PLEKHD1: variants seen among roughly 807,000 people sequenced by gnomAD.
PLEKHD1 encodes pleckstrin homology and coiled-coil domain containing D1, also known as pleckstrin homology domain-containing family D member 1.
A neutral mutation model predicts 69.2 loss-of-function variants in PLEKHD1; 51 were observed. That is an observed-to-expected ratio of 0.74 (90% CI 0.59 to 0.93). The LOEUF (loss-of-function observed/expected upper bound fraction) is 0.93, where lower values mean the gene tolerates loss of function less well. PLEKHD1 is among the 40% of genes least tolerant of loss of function. The pLI is 0.00. For synonymous variants in PLEKHD1, 236 were observed against 244.7 expected (o/e 0.96, Z 0.33); for missense variants, 584 against 641.0 (o/e 0.91, Z 0.96).
At chr14:69,491,228 G>A (rs553064118) in intron 1 of PLEKHD1, among the ~76,000 whole-genome samples, 100 of 152,308 alleles carry the variant, frequency 6.6e-4, no homozygotes, top group African/African-American at 2.2e-3. Flanking sequence ...CTTCCACACT[G>A]CTGCATAAAC....
the PLEKHD1 span, among the ~76,000 whole-genome samples, chr14:69,474,557 G>A: frequency 6.6e-6 from 1 of 152,312 alleles, no homozygotes; most frequent in South Asian, 2.1e-4. Context: ...AGCCTCCATT[G>A]TATTAATTTA....
intron 1 of PLEKHD1, among the ~76,000 whole-genome samples, chr14:69,488,761 C>A (rs139427013): frequency 6.6e-6 from 1 of 152,288 alleles, no homozygotes; most frequent in Non-Finnish European, 1.5e-5. Flanking sequence ...GACCAAATTA[C>A]TTTATTCTGA....
At chr14:69,516,812 G>C (rs187107812) in intron 6 of PLEKHD1, among the ~76,000 whole-genome samples, 88 of 152,258 alleles carry the variant, frequency 5.8e-4, no homozygotes, top group Admixed American at 1.4e-3. Flanking sequence ...TGAGACCACA[G>C]GTGCACACTA....
intron 6 of PLEKHD1, among the ~76,000 whole-genome samples, chr14:69,508,007 C>A (rs1275731): frequency 6.6e-6 from 1 of 152,052 alleles, no homozygotes; most frequent in Non-Finnish European, 1.5e-5. Context: ...ATTTTGGCCA[C>A]TTTCATGAGT....
chr14:69,514,740 T>C (rs1883346209), intron 6 of PLEKHD1, among the ~76,000 whole-genome samples: 2 of 152,084 alleles, frequency 1.3e-5, no homozygotes, highest in Non-Finnish European at 2.9e-5. Flanking sequence ...TTTTGGTGAG[T>C]TGCGCCCCTG....
In PLEKHD1 at chr14:69,526,579, CTCATAAAGCCTGGGAT is replaced by C. The variant is rs1479661403; in HGVS notation, c.924-114_924-99del. 4.7e-6 allele frequency: 6 copies of C among 1,265,514 alleles called. No individual in the cohort carries two copies. In the African/African-American group the frequency reaches 9.2e-5, roughly 19 times the overall value. 78.4% of individuals were successfully genotyped at this position (1,265,514 alleles called of 1,614,324 possible). A position where few individuals can be genotyped will look rare whatever the true frequency, so the allele number is the denominator to read the frequency against. On this transcript the variant is annotated intron_variant, in intron 9 of 12. Transcript: ENST00000322564. ...TGCCTGGACCCACAAAGTTCAGGGG[CTCATAAAGCCTGGGAT>C]TCAAGGTTTCTCCAGCCCAGGTCTC...
chr14:69,502,928 G>A (rs372302970), intron 6 of PLEKHD1, 49 bp downstream of exon 6: 30 of 1,544,420 alleles, frequency 1.9e-5, no homozygotes, highest in East Asian at 7.3e-5. Flanking sequence ...AATGGCTCAC[G>A]TTTCTAGCAC....
At chr14:69,483,230 A>T (rs1270015779), upstream of PLEKHD1, among the ~76,000 whole-genome samples, 2 of 151,406 alleles carry the variant, frequency 1.3e-5, no homozygotes, top group Non-Finnish European at 2.9e-5. Context: ...GAGCTTGGGA[A>T]CCCCAGAGGG....
At chr14:69,499,799 G>C in intron 1 of PLEKHD1, among the ~76,000 whole-genome samples, 1 of 152,322 alleles carries the variant, frequency 6.6e-6, no homozygotes, top group Non-Finnish European at 1.5e-5. Flanking sequence ...AGGTGTCCAA[G>C]GGGAAGAACC....
At chr14:69,508,845 T>C (rs1487643298) in intron 6 of PLEKHD1, among the ~76,000 whole-genome samples, 2 of 152,150 alleles carry the variant, frequency 1.3e-5, no homozygotes, top group African/African-American at 2.4e-5. Flanking sequence ...CTTTGAACAA[T>C]AGGCACTAGA....
the PLEKHD1 span, among the ~76,000 whole-genome samples, chr14:69,471,576 G>A: frequency 2.0e-5 from 3 of 152,148 alleles, no homozygotes; most frequent in African/African-American, 7.2e-5. Flanking sequence ...CCTGGTTCAA[G>A]GACAAACTGT....
intron 6 of PLEKHD1, among the ~76,000 whole-genome samples, chr14:69,506,873 TA>T (rs2139512127): frequency 1.4e-5 from 2 of 140,560 alleles, no homozygotes; most frequent in East Asian, 4.6e-4. Context: ...TTCACTGTCC[TA>T]AAAATCCTGG....
intron 10 of PLEKHD1, 75 bp downstream of exon 10, chr14:69,526,904 G>A: frequency 6.9e-7 from 1 of 1,447,704 alleles, no homozygotes; most frequent in South Asian, 1.5e-5. Context: ...CACTTTACCG[G>A]GTAGCTGCAT....
rs1382872720 is a variant in PLEKHD1, at chr14:69,525,265, T to C, written c.745-679T>C. The stretch of plus-strand genomic sequence containing the variant: ...ACATATGGTGTATGGCCCATACCTG[T>C]GCTGTACGCATGAATTACCTTCAAG... On this transcript the variant is annotated intron_variant, in intron 8 of 12. Coordinates refer to ENST00000322564, the MANE Select transcript of PLEKHD1 (RefSeq NM_001161498.2). 3.9e-5 allele frequency among the ~76,000 whole-genome samples: 6 copies of C among 152,200 alleles called. No homozygotes were observed. The South Asian group carries it at 1.0e-3, about 26-fold the overall frequency.
At chr14:69,517,625 G>A (rs368726182) in intron 6 of PLEKHD1, among the ~76,000 whole-genome samples, 14 of 152,220 alleles carry the variant, frequency 9.2e-5, no homozygotes, top group Admixed American at 3.3e-4. Flanking sequence ...CTTAATAAAC[G>A]ATAGCCACTG....
rs1482650298 is a variant in PLEKHD1, at chr14:69,501,704, T to G, written c.411-30T>G. On this transcript the variant is annotated intron_variant, in intron 4 of 12. Coordinates refer to ENST00000322564, the MANE Select transcript of PLEKHD1 (RefSeq NM_001161498.2). ...TGATTTTCTGTTTCTTCCTCTTCTCTCCTCTGTCCCATCTGCCCTCCCTCC... is the reference window on the plus strand; with the variant it reads ...TGATTTTCTGTTTCTTCCTCTTCTCGCCTCTGTCCCATCTGCCCTCCCTCC... The G allele has an allele frequency of 2.0e-6, 3 of 1,482,090 alleles. No homozygotes were observed. The Admixed American group carries it at 6.3e-5, about 31-fold the overall frequency. The allele number at this position is 1,482,090 out of a possible 1,614,324, so 91.8% of individuals were successfully genotyped here.
chr14:69,520,694 A>T (rs1883493713), intron 6 of PLEKHD1, among the ~76,000 whole-genome samples: 1 of 152,168 alleles, frequency 6.6e-6, no homozygotes, highest in African/African-American at 2.4e-5. Context: ...GTGTTACTGC[A>T]CTCCAGCCTG....
At chr14:69,508,472 G>C (rs1019506943) in intron 6 of PLEKHD1, among the ~76,000 whole-genome samples, 1 of 152,026 alleles carries the variant, frequency 6.6e-6, no homozygotes, top group Admixed American at 6.5e-5. Context: ...TCCAGGCTGA[G>C]TGCAGTGGCG....
chr14:69,486,333 A>G (rs1007785920), intron 1 of PLEKHD1, among the ~76,000 whole-genome samples: 1 of 152,172 alleles, frequency 6.6e-6, no homozygotes, highest in Non-Finnish European at 1.5e-5. Flanking sequence ...CACATTTTAT[A>G]TCTCTGGTTT....
Sources: gnomAD v4.1 joint callset for allele counts (sites outside exome capture counted in the v4.1 genomes callset) on GRCh38, gnomAD v4.1.1 for gene constraint, MANE v1.5 for transcripts, NCBI Gene and HGNC (gene_info 2026-07-23, HGNC 2026-07-21) for gene names.